Variants in DDHD1 observed in about 807,000 individuals in gnomAD.
The protein encoded by DDHD1 is DDHD domain containing 1.
A neutral mutation model predicts 96.4 loss-of-function variants in DDHD1; 49 were observed. The observed-to-expected ratio is 0.51, with a 90% CI of 0.40 to 0.64. The LOEUF (loss-of-function observed/expected upper bound fraction) is 0.64. Among genes scored for constraint, DDHD1 ranks in the 30% least tolerant of loss-of-function variants. The pLI, the probability that DDHD1 is intolerant of heterozygous loss-of-function variation, is 0.00. For missense variants in DDHD1, 1,106 were observed against 1,161.2 expected (o/e 0.95, Z 0.69); for synonymous variants, 442 against 446.5 (o/e 0.99, Z 0.13).
chr14:53,089,241 A>T (rs1029717642), intron 4 of DDHD1, among the ~76,000 whole-genome samples: 3 of 152,240 alleles, frequency 2.0e-5, no homozygotes, highest in Admixed American at 6.5e-5. Flanking sequence ...CATAATGCCA[A>T]AAGTAATTTA....
At chr14:53,073,680 T>C (rs1884715777) in intron 5 of DDHD1, 61 bp downstream of exon 5, 1 of 1,415,056 alleles carries the variant, frequency 7.1e-7, no homozygotes. Flanking sequence ...TAAAACTTTC[T>C]GCATTTATTT....
intron 4 of DDHD1, among the ~76,000 whole-genome samples, chr14:53,089,493 G>A (rs559083227): frequency 1.4e-4 from 22 of 152,166 alleles, no homozygotes; most frequent in African/African-American, 5.1e-4. Context: ...CAGAACACAG[G>A]CCTCAGAAAT....
At position 53,103,669 on chromosome 14, in the gene DDHD1, T is replaced by C. The variant is rs1566568137; in HGVS notation, c.1012+14A>G. The C allele has an allele frequency of 6.3e-7, 1 of 1,594,092 alleles. No individual in the cohort carries two copies. Among genetic ancestry groups the C allele is most frequent in the East Asian group, 2.3e-5 (1 of 44,300 alleles). On this transcript the variant is annotated intron_variant, in intron 2 of 12. Coordinates refer to ENST00000673822, the MANE Select transcript of DDHD1 (RefSeq NM_001160148.2). ...TGGTTTGTAGAATATATTAAATGTATCAATTGATCTTACCATCTTTTCCAT... is the reference window on the plus strand; with the variant it reads ...TGGTTTGTAGAATATATTAAATGTACCAATTGATCTTACCATCTTTTCCAT...
intron 1 of DDHD1, among the ~76,000 whole-genome samples, chr14:53,108,380 G>A (rs2139743867): frequency 6.6e-6 from 1 of 152,218 alleles, no homozygotes; most frequent in East Asian, 1.9e-4. Context: ...TCACTGCATG[G>A]CCCAAGATTC....
At chr14:53,129,916 A>G (rs1431153500) in intron 1 of DDHD1, among the ~76,000 whole-genome samples, 4 of 152,324 alleles carry the variant, frequency 2.6e-5, no homozygotes, top group South Asian at 4.1e-4. Flanking sequence ...AAATGGTCTG[A>G]GGTGCCCGAC....
intron 11 of DDHD1, 76 bp downstream of exon 11, chr14:53,054,362 T>C (rs1882855760): frequency 4.4e-6 from 6 of 1,365,256 alleles, no homozygotes; most frequent in African/African-American, 4.3e-5. Context: ...CTAGTATTAA[T>C]ATTTTATACC....
At chr14:53,091,696 G>A (rs1286116053) in intron 4 of DDHD1, 89 bp downstream of exon 4, 2 of 1,369,470 alleles carry the variant, frequency 1.5e-6, no homozygotes, top group East Asian at 4.6e-5. Context: ...AACATGCAGT[G>A]GAATTAGTAT....
intron 1 of DDHD1, among the ~76,000 whole-genome samples, chr14:53,139,120 A>C (rs554618979): frequency 9.4e-4 from 141 of 150,676 alleles, no homozygotes; most frequent in Admixed American, 3.0e-3. Context: ...CACACCCACA[A>C]CCACACAGGC....
intron 1 of DDHD1, among the ~76,000 whole-genome samples, chr14:53,122,377 C>T (rs1366191349): frequency 6.6e-6 from 1 of 152,162 alleles, no homozygotes; most frequent in East Asian, 1.9e-4. Flanking sequence ...ATCCCGAGGG[C>T]AGATTTCTAA....
At chr14:53,105,006 G>T (rs898741029) in intron 1 of DDHD1, among the ~76,000 whole-genome samples, 2 of 151,910 alleles carry the variant, frequency 1.3e-5, no homozygotes, top group African/African-American at 4.8e-5. Flanking sequence ...TTACTAATTT[G>T]AAACTGTAGG....
At chr14:53,126,631 G>A (rs999073003) in intron 1 of DDHD1, among the ~76,000 whole-genome samples, 1 of 152,212 alleles carries the variant, frequency 6.6e-6, no homozygotes, top group East Asian at 1.9e-4. Flanking sequence ...GCCTCCCAAA[G>A]TGCTGGGATT....
intron 6 of DDHD1, among the ~76,000 whole-genome samples, chr14:53,067,769 T>G (rs1281161081): frequency 6.6e-6 from 1 of 152,174 alleles, no homozygotes; most frequent in Non-Finnish European, 1.5e-5. Flanking sequence ...GCCTCTTATT[T>G]GAAAATAATT....
intron 4 of DDHD1, among the ~76,000 whole-genome samples, chr14:53,084,953 A>C (rs1345107037): frequency 6.6e-6 from 1 of 152,230 alleles, no homozygotes; most frequent in Non-Finnish European, 1.5e-5. Flanking sequence ...GTCTGAGCAA[A>C]TGTCACACCA....
intron 1 of DDHD1, among the ~76,000 whole-genome samples, chr14:53,114,765 G>C (rs954825028): frequency 6.6e-6 from 1 of 152,164 alleles, no homozygotes; most frequent in African/African-American, 2.4e-5. Flanking sequence ...ACAAAGATGA[G>C]GAAAAATCAG....
At chr14:53,048,915 A>T (rs753328581) in intron 12 of DDHD1, 1 of 152,236 alleles carries the variant, frequency 6.6e-6, no homozygotes, top group Non-Finnish European at 1.5e-5. Flanking sequence ...ATATTGGTGA[A>T]GACCACAAAG....
chr14:53,113,247 C>T (rs1888248126), intron 1 of DDHD1, among the ~76,000 whole-genome samples: 1 of 151,684 alleles, frequency 6.6e-6, no homozygotes, highest in Non-Finnish European at 1.5e-5. Context: ...GGATTACAGG[C>T]ATATGCCACG....
rs761477817 is a variant in DDHD1 at position 53,046,965 on chromosome 14, G to A, written c.2522-16C>T. The A allele has an allele frequency of 6.3e-7, 1 of 1,588,372 alleles. No individual in the cohort carries two copies. Among genetic ancestry groups the A allele is most frequent in the East Asian group, 2.3e-5 (1 of 43,810 alleles). ...TCCAACTCCACTAAAAAGAAAAGAA[G>A]TTAAACAAATGAATACAGATTATAA... On this transcript the variant is annotated splice_polypyrimidine_tract_variant and intron_variant, in intron 12 of 12. Transcript: ENST00000673822.
intron 1 of DDHD1, among the ~76,000 whole-genome samples, chr14:53,109,692 A>G (rs1325295416): frequency 6.6e-6 from 1 of 152,124 alleles, no homozygotes; most frequent in Non-Finnish European, 1.5e-5. Flanking sequence ...CAGACCCAGA[A>G]GCTCATCTCA....
intron 2 of DDHD1, chr14:53,103,157 CA>C: frequency 8.7e-7 from 1 of 1,143,490 alleles, no homozygotes; most frequent in Admixed American, 2.4e-5. Context: ...AGCTACTATA[CA>C]GTATTTTGAA....
Sources: gnomAD v4.1 joint callset for allele counts (sites outside exome capture counted in the v4.1 genomes callset) on GRCh38, gnomAD v4.1.1 for gene constraint, MANE v1.5 for transcripts, NCBI Gene and HGNC (gene_info 2026-07-23, HGNC 2026-07-21) for gene names.